The following MAP3K13 variants were observed in gnomAD, a reference collection of about 807,000 sequenced individuals.
MAP3K13 encodes the protein mitogen-activated protein kinase kinase kinase 13, also known as leucine zipper-bearing kinase.
Under a neutral mutation model 104.0 loss-of-function variants are expected in MAP3K13, and 52 were observed. The ratio of observed to expected loss-of-function variants is 0.50; its 90% CI spans 0.40 to 0.63. The LOEUF is 0.63. MAP3K13 is among the 20% of genes least tolerant of loss of function. The pLI is 0.00. For missense variants in MAP3K13, 914 were observed against 1,218.5 expected (o/e 0.75, Z 3.72); for synonymous variants, 394 against 442.2 (o/e 0.89, Z 1.37).
At chr3:185,317,020 A>C (rs899579260) in intron 2 of MAP3K13, among the ~76,000 whole-genome samples, 2 of 152,188 alleles carry the variant, frequency 1.3e-5, no homozygotes, top group Non-Finnish European at 2.9e-5. Context: ...TATTCTAGGA[A>C]AAATATTAAA....
rs900291469 is a variant in MAP3K13 at position 185,450,856 on chromosome 3, G to A, written c.1170-431G>A. Among the ~76,000 whole-genome samples, 5 of 152,278 alleles carry A rather than the reference G, an allele frequency of 3.3e-5. No homozygotes were observed. Among genetic ancestry groups the A allele is most frequent in the African/African-American group, 4.8e-5 (2 of 41,560 alleles). On this transcript the variant is annotated intron_variant, in intron 6 of 13. Coordinates refer to ENST00000265026, the MANE Select transcript of MAP3K13 (RefSeq NM_004721.5). The surrounding 1 kb of genome is among the most constrained non-coding windows in gnomAD (Gnocchi z 4.2). ...TGTAATCCCAGCACTTTAGGAGGCC[G>A]AGGCGGGCGTATCACGAGGTCAGGA...
chr3:185,332,327 G>A (rs1353992551), intron 2 of MAP3K13, among the ~76,000 whole-genome samples: 2 of 151,982 alleles, frequency 1.3e-5, no homozygotes, highest in Non-Finnish European at 2.9e-5. Flanking sequence ...AATGGTTTCA[G>A]CATAGTGTTT....
intron 2 of MAP3K13, chr3:185,292,503 A>C: frequency 3.9e-6 from 1 of 258,684 alleles, no homozygotes; most frequent in Non-Finnish European, 6.0e-6. Flanking sequence ...CTGAACCTTA[A>C]CTTCGTCATC....
Position 185,477,492 on chromosome 3 carries a change from G to C in MAP3K13, c.2501+96G>C, listed in dbSNP as rs200087211. On this transcript the variant is annotated intron_variant, in intron 12 of 13. Coordinates refer to ENST00000265026, the MANE Select transcript of MAP3K13 (RefSeq NM_004721.5). ...GCTCTTCAACCACAGGTGATTCCCT[G>C]GCAGCCACCTTATAGGGAACTTTGA... is the stretch of plus-strand genomic sequence containing the variant. 5.5e-4 allele frequency: 485 copies of C among 875,324 alleles called. 3 individuals carry two copies. The East Asian group carries it at 8.9e-3, about 16-fold the overall frequency. The allele number at this position is 875,324 out of a possible 1,614,324, so 54.2% of individuals were successfully genotyped here. A position where few individuals can be genotyped will look rare whatever the true frequency, so the allele number is the denominator to read the frequency against.
intron 3 of MAP3K13, among the ~76,000 whole-genome samples, chr3:185,440,715 TATGATCAGTGCCGTAAGCC>T (rs1240084824): frequency 6.6e-6 from 1 of 152,190 alleles, no homozygotes; most frequent in African/African-American, 2.4e-5. Context: ...ATCACCTTCA[TATGATCAGTGCCGTAAGCC>T]ATGACCTCAA....
chr3:185,296,621 T>C (rs1387503178), intron 2 of MAP3K13, among the ~76,000 whole-genome samples: 1 of 152,212 alleles, frequency 6.6e-6, no homozygotes, highest in Admixed American at 6.5e-5. Flanking sequence ...CTGTTCTCCA[T>C]TGTACTTATC....
At position 185,466,874 on chromosome 3, in the gene MAP3K13, C is replaced by T; in HGVS notation, c.1554C>T (p.His518=). Residue 518 remains histidine, a synonymous_variant, in exon 10 of 14, where the codon CAC becomes CAT. Transcript: ENST00000265026. The part of the protein sequence containing the change: ...EKKYPGTYKR[H]PVRPIIHPNA... ...AGTATCCTGGGACCTACAAACGACA[C>T]CCTGTTCGTCCTATCATCCATCCCA... 1 of 1,613,962 alleles carries T rather than the reference C, an allele frequency of 6.2e-7. No individual in the cohort carries two copies. The highest frequency in any genetic ancestry group is 2.2e-5 in the East Asian group (1 of 44,882).
chr3:185,366,551 T>G (rs1723897250), intron 1 of MAP3K13, among the ~76,000 whole-genome samples: 1 of 152,192 alleles, frequency 6.6e-6, no homozygotes, highest in Non-Finnish European at 1.5e-5. Context: ...TACATTCCCA[T>G]CAGCAATGTA....
chr3:185,379,952 G>A (rs922735223), intron 1 of MAP3K13, among the ~76,000 whole-genome samples: 15 of 151,878 alleles, frequency 9.9e-5, no homozygotes, highest in Non-Finnish European at 2.2e-4. Context: ...TTGGGGGGCC[G>A]AGGCGGGTGG....
intron 1 of MAP3K13, among the ~76,000 whole-genome samples, chr3:185,415,722 T>C (rs1370660032): frequency 6.6e-6 from 1 of 151,780 alleles, no homozygotes; most frequent in African/African-American, 2.4e-5. Context: ...TAGCTGGGAT[T>C]ACAGGCATGT....
intron 10 of MAP3K13, among the ~76,000 whole-genome samples, chr3:185,468,882 T>C (rs1261355441): frequency 1.3e-5 from 2 of 152,244 alleles, no homozygotes; most frequent in Non-Finnish European, 1.5e-5. Flanking sequence ...GCTCCCTGCC[T>C]TCTGCCTACA....
intron 4 of MAP3K13, among the ~76,000 whole-genome samples, chr3:185,444,759 G>T (rs1363703787): frequency 6.6e-6 from 1 of 152,000 alleles, no homozygotes; most frequent in Non-Finnish European, 1.5e-5. Flanking sequence ...ATAAGCAAAG[G>T]ATTAATCTCT....
At chr3:185,373,935 G>A (rs959055480) in intron 1 of MAP3K13, among the ~76,000 whole-genome samples, 3 of 149,770 alleles carry the variant, frequency 2.0e-5, no homozygotes, top group African/African-American at 7.4e-5. Flanking sequence ...ATTATCATTA[G>A]TTCTTATAGG....
chr3:185,447,982 C>T (rs111348787), intron 5 of MAP3K13, 35 bp downstream of exon 5: 1 of 1,585,874 alleles, frequency 6.3e-7, no homozygotes, highest in Non-Finnish European at 8.6e-7. Flanking sequence ...AACTAAAAAG[C>T]CTTTTCCCAC....
intron 2 of MAP3K13, among the ~76,000 whole-genome samples, chr3:185,343,334 G>T (rs2108722936): frequency 6.6e-6 from 1 of 152,262 alleles, no homozygotes; most frequent in East Asian, 1.9e-4. Flanking sequence ...AATCCTACTT[G>T]CAGGGTGGAA....
upstream of MAP3K13, among the ~76,000 whole-genome samples, chr3:185,358,871 G>T (rs1723485462): frequency 6.6e-6 from 1 of 152,106 alleles, no homozygotes. Flanking sequence ...TAAAAACAAT[G>T]AATAGAGCTC....
chr3:185,370,933 T>C (rs1177165713), intron 1 of MAP3K13, among the ~76,000 whole-genome samples: 1 of 152,084 alleles, frequency 6.6e-6, no homozygotes, highest in Non-Finnish European at 1.5e-5. Context: ...TCTCACTACC[T>C]CCTTTTGTCT....
intron 7 of MAP3K13, among the ~76,000 whole-genome samples, chr3:185,460,935 G>A (rs547131278): frequency 4.7e-4 from 72 of 152,202 alleles, no homozygotes; most frequent in Non-Finnish European, 1.2e-4. Flanking sequence ...TCCTTTTCTC[G>A]TCCCTTCTTG....
chr3:185,358,464 T>C (rs926453572), upstream of MAP3K13, among the ~76,000 whole-genome samples: 4 of 152,190 alleles, frequency 2.6e-5, no homozygotes, highest in Non-Finnish European at 4.4e-5. Flanking sequence ...CAACACTCAA[T>C]GATAGTTATT....
Sources: gnomAD v4.1 joint callset for allele counts (sites outside exome capture counted in the v4.1 genomes callset) on GRCh38, gnomAD v4.1.1 for gene constraint, Gnocchi (gnomAD v3.1) non-coding constraint, MANE v1.5 for transcripts, NCBI Gene and HGNC (gene_info 2026-07-23, HGNC 2026-07-21) for gene names.